SEC22C: variants seen among roughly 807,000 people sequenced by gnomAD.
The protein encoded by SEC22C is SEC22 homolog C, vesicle trafficking protein, also known as vesicle-trafficking protein SEC22c.
SEC22C carries 29 observed loss-of-function variants against 34.7 expected under a neutral mutation model. The ratio of observed to expected loss-of-function variants is 0.84; its 90% CI spans 0.62 to 1.14. SEC22C has a LOEUF of 1.14. Ranked by LOEUF, SEC22C falls within the 50% of genes most tolerant of loss-of-function variation. SEC22C has a pLI of 0.00. For missense variants in SEC22C, 337 were observed against 369.0 expected (o/e 0.91, Z 0.71); for synonymous variants, 117 against 132.8 (o/e 0.88, Z 0.82).
intron 1 of SEC22C, chr3:42,594,503 G>A: frequency 6.2e-7 from 1 of 1,612,862 alleles, no homozygotes; most frequent in Non-Finnish European, 8.5e-7. Context: ...CAAAAGCAAT[G>A]GAATAATCTT....
At chr3:42,563,715 C>T (rs757040244) in intron 2 of SEC22C, 29 bp from the exon 3 acceptor site, 2 of 1,612,862 alleles carry the variant, frequency 1.2e-6, no homozygotes, top group East Asian at 4.5e-5. Flanking sequence ...ATCTGTATTA[C>T]CAGGAAACAG....
rs1702086388 is a variant in SEC22C, at chr3:42,548,290, T to G, written c.*4958A>C. The G allele has an allele frequency of 6.9e-6, 2 of 291,386 alleles. No individual in the cohort carries two copies. Among genetic ancestry groups the G allele is most frequent in the African/African-American group, 4.2e-5 (2 of 47,168 alleles). The allele number at this position is 291,386 out of a possible 1,614,324, so 18.1% of individuals were successfully genotyped here. A position where few individuals can be genotyped will look rare whatever the true frequency, so the allele number is the denominator to read the frequency against. ...AATAGAATCCTGGGGGATCAAATCA[T>G]ATGAATGATTCATGAAATAACACTT... On this transcript the variant is annotated 3_prime_UTR_variant, in exon 7 of 7. Transcript: ENST00000264454.
chr3:42,563,355 C>T (rs1025001329), intron 3 of SEC22C, among the ~76,000 whole-genome samples, 168 bp downstream of exon 3: 3 of 152,174 alleles, frequency 2.0e-5, no homozygotes, highest in Non-Finnish European at 2.9e-5. Context: ...TGACGCTTTC[C>T]GGGACACTTC....
At chr3:42,572,218 CAA>C (rs540416562) in intron 1 of SEC22C, among the ~76,000 whole-genome samples, 14 of 81,664 alleles carry the variant, frequency 1.7e-4, no homozygotes, top group Non-Finnish European at 3.0e-4. Context: ...GGGTACAGAC[CAA>C]AAAAAAAAAA....
rs1309990948 is a variant in SEC22C at position 42,549,896 on chromosome 3, G to A, written c.*3352C>T. 1.0e-6 allele frequency: 1 copy of A among 985,302 alleles called. No individual in the cohort carries two copies. The highest frequency in any genetic ancestry group is 1.7e-5 in the African/African-American group (1 of 57,222). 61.0% of individuals were successfully genotyped at this position (985,302 alleles called of 1,614,324 possible). A position where few individuals can be genotyped will look rare whatever the true frequency, so the allele number is the denominator to read the frequency against. On this transcript the variant is annotated 3_prime_UTR_variant, in exon 7 of 7. Transcript: ENST00000264454. ...ATGCAAGCCCAAAAAGCAAAAGCAGGAGCTTATGGTCACATGCCTCCAGCT... is the reference window on the plus strand; with the variant it reads ...ATGCAAGCCCAAAAAGCAAAAGCAGAAGCTTATGGTCACATGCCTCCAGCT...
exon 1 of SEC22C, chr3:42,601,006 G>A (rs773657695): frequency 6.4e-7 from 1 of 1,567,054 alleles, no homozygotes. Context: ...CCTCGGTCGC[G>A]ATGGGGGCGC....
intron 1 of SEC22C, among the ~76,000 whole-genome samples, chr3:42,596,453 C>T (rs1327373958): frequency 2.6e-5 from 4 of 152,222 alleles, no homozygotes; most frequent in South Asian, 2.1e-4. Context: ...ACCCCAGAAT[C>T]ATTACCTGAA....
chr3:42,574,864 T>A, intron 1 of SEC22C, among the ~76,000 whole-genome samples: 1 of 152,090 alleles, frequency 6.6e-6, no homozygotes, highest in East Asian at 1.9e-4. Context: ...TGTCACCCAG[T>A]CTGGAACGCA....
chr3:42,557,581 T>G lies in SEC22C; in HGVS notation c.642A>C (p.Leu214Phe). The change falls in exon 5 of 7, where the codon TTA (leucine) becomes TTC (phenylalanine). Residue 214 changes from leucine to phenylalanine, a missense_variant. Physicochemically the swap from Leu to Phe is conservative, Grantham distance 22 (BLOSUM62 0). Coordinates refer to ENST00000264454, the MANE Select transcript of SEC22C (RefSeq NM_032970.4). ...IRGVHLAEHSLQVAHEEIGNI... is the reference protein window; with the variant it reads ...IRGVHLAEHSFQVAHEEIGNI... The stretch of plus-strand genomic sequence containing the variant: ...TTAAAAAAAAAAAAAAGGTTACCTG[T>G]AAAGAATGTTCTGCAAGGTGAACTC... 1 of 1,499,000 alleles carries G rather than the reference T, an allele frequency of 6.7e-7. No homozygotes were observed. The allele number at this position is 1,499,000 out of a possible 1,614,324, so 92.9% of individuals were successfully genotyped here. A position where few individuals can be genotyped will look rare whatever the true frequency, so the allele number is the denominator to read the frequency against.
intron 1 of SEC22C, among the ~76,000 whole-genome samples, chr3:42,574,871 C>T (rs900128646): frequency 1.2e-4 from 18 of 152,070 alleles, no homozygotes; most frequent in Non-Finnish European, 1.8e-4. Flanking sequence ...CAGTCTGGAA[C>T]GCAGTGACAC....
chr3:42,563,672 C>G lies in SEC22C; in HGVS notation c.197G>C (p.Gly66Ala), dbSNP rs752102415. 6.2e-7 allele frequency: 1 copy of G among 1,613,874 alleles called. No homozygotes were observed. Among genetic ancestry groups the G allele is most frequent in the African/African-American group, 1.3e-5 (1 of 74,988 alleles). ...GCAGATAGCCATGCAGGCCACGTCC[C>G]CGAAAGAAGAAAAACTGAAACAAAA... ...CDFSIHFSSF[G>A]DVACMAICSC... is the part of the protein sequence containing the mutation. Residue 66 changes from glycine (G) to alanine (A), a missense_variant, in exon 3 of 7, where the codon GGG becomes GCG. Coordinates refer to ENST00000264454, the MANE Select transcript of SEC22C (RefSeq NM_032970.4).
At chr3:42,557,085 C>G (rs1013800627) in intron 5 of SEC22C, among the ~76,000 whole-genome samples, 1 of 152,168 alleles carries the variant, frequency 6.6e-6, no homozygotes. Context: ...TTAAAAAGCA[C>G]TGAAATAGTA....
intron 1 of SEC22C, among the ~76,000 whole-genome samples, chr3:42,594,204 T>C (rs1208306548): frequency 1.3e-5 from 2 of 152,224 alleles, no homozygotes; most frequent in East Asian, 3.8e-4. Context: ...CTGCAATAGT[T>C]CAAGCAAGAA....
intron 1 of SEC22C, among the ~76,000 whole-genome samples, chr3:42,572,666 G>C (rs1411817233): frequency 6.6e-6 from 1 of 152,154 alleles, no homozygotes; most frequent in Non-Finnish European, 1.5e-5. Context: ...TGCTGGAGTG[G>C]TGTTCAGAAG....
At position 42,549,554 on chromosome 3, in the gene SEC22C, C is replaced by A. The variant is rs1702147386; in HGVS notation, c.*3694G>T. On this transcript the variant is annotated 3_prime_UTR_variant, in exon 7 of 7. Coordinates refer to ENST00000264454, the MANE Select transcript of SEC22C (RefSeq NM_032970.4). Reference sequence around the variant, plus strand: ...TGTCTCTGACTCTGAGCTGTGCTGACCACCAAGTGTTACTCCTCTCCAAGA... The same window carrying A: ...TGTCTCTGACTCTGAGCTGTGCTGAACACCAAGTGTTACTCCTCTCCAAGA... 3 of 948,956 alleles carry A rather than the reference C, an allele frequency of 3.2e-6. No homozygotes were observed. Among genetic ancestry groups the A allele is most frequent in the Non-Finnish European group, 3.6e-6 (3 of 822,346 alleles). 58.8% of individuals were successfully genotyped at this position (948,956 alleles called of 1,614,324 possible). A position where few individuals can be genotyped will look rare whatever the true frequency, so the allele number is the denominator to read the frequency against.
intron 1 of SEC22C, among the ~76,000 whole-genome samples, chr3:42,575,708 TAAGAC>T (rs1465774703): frequency 6.6e-6 from 1 of 152,092 alleles, no homozygotes; most frequent in Admixed American, 6.6e-5. Context: ...CAAAAATTGA[TAAGAC>T]AAGTAAACAG....
At chr3:42,584,809 T>C (rs939472049), upstream of SEC22C, among the ~76,000 whole-genome samples, 3 of 152,080 alleles carry the variant, frequency 2.0e-5, no homozygotes, top group Admixed American at 6.6e-5. Context: ...GTAAAGGCAA[T>C]TGAAAACCCT....
intron 4 of SEC22C, among the ~76,000 whole-genome samples, chr3:42,559,142 C>T (rs1702725102): frequency 6.6e-6 from 1 of 152,214 alleles, no homozygotes; most frequent in Admixed American, 6.5e-5. Context: ...GTGTCCCTCC[C>T]ATTCTCTCGC....
At position 42,568,492 on chromosome 3, in the gene SEC22C, A is replaced by G. The variant is rs6762804; in HGVS notation, c.182+373T>C. On this transcript the variant is annotated intron_variant, in intron 2 of 6. Transcript: ENST00000264454. ...GAAACCCCATCTCTACTAAAAATAT[A>G]AAAATTAGCTGGGCATCGTGGCATG... Among the ~76,000 whole-genome samples the G allele has an allele frequency of 7.1e-3, 1,077 of 152,140 alleles. 16 individuals carry two copies. Among genetic ancestry groups the G allele is most frequent in the African/African-American group, 0.025 (1,021 of 41,492 alleles).
Sources: allele counts gnomAD v4.1 joint callset (sites outside exome capture counted in the v4.1 genomes callset), GRCh38; gene constraint gnomAD v4.1.1; transcripts MANE v1.5; gene names NCBI Gene and HGNC (gene_info 2026-07-23, HGNC 2026-07-21).